Variants in ZNF160 observed in about 807,000 individuals in gnomAD.
The protein encoded by ZNF160 is zinc finger protein 160.
In ZNF160, 9 loss-of-function variants were observed where a neutral mutation model predicts 13.1. The ratio of observed to expected loss-of-function variants is 0.69; its 90% confidence interval spans 0.41 to 1.20. The LOEUF (loss-of-function observed/expected upper bound fraction) is 1.20. Ranked by LOEUF, ZNF160 falls within the 50% of genes most tolerant of loss-of-function variation. The pLI is 0.01. For synonymous variants in ZNF160, 293 were observed against 333.2 expected, an observed-to-expected ratio of 0.88 and a Z score of 1.31; for missense variants, 838 against 988.0, an observed-to-expected ratio of 0.85 and a Z score of 2.04.
intron 2 of ZNF160, 43 bp from the exon 3 acceptor site, chr19:53,086,364 TC>T: frequency 1.3e-6 from 2 of 1,503,882 alleles, no homozygotes. Flanking sequence ...ATACTGAATA[TC>T]CAAAATATGC....
intron 1 of ZNF160, among the ~76,000 whole-genome samples, chr19:53,099,965 T>TGCC (rs1367386378): frequency 6.6e-6 from 1 of 152,224 alleles, no homozygotes; most frequent in Non-Finnish European, 1.5e-5. Context: ...GGATCTTCTT[T>TGCC]CACATACCTG....
Position 53,069,723 on chromosome 19 carries a change from T to A in ZNF160, c.811A>T (p.Asn271Tyr). 6.2e-7 allele frequency: 1 copy of A among 1,614,130 alleles called. No homozygotes were observed. Among genetic ancestry groups the A allele is most frequent in the Non-Finnish European group, 8.5e-7 (1 of 1,180,026 alleles). Reference sequence around the variant, plus strand: ...TGAATTCTCCTATGACTTGTAAGGTTCGAATTCTGAGTGAACGCCTTGCCA... The same window carrying A: ...TGAATTCTCCTATGACTTGTAAGGTACGAATTCTGAGTGAACGCCTTGCCA... ...ECGKAFTQNS[N>Y]LTSHRRIHSG... The change falls in exon 6 of 6, where the codon AAC becomes TAC. Residue 271 changes from asparagine to tyrosine, a missense_variant. Asn to Tyr is a moderately radical substitution (Grantham distance 143, BLOSUM62 -2). Transcript: ENST00000683776. This position sits in a 1 kb window ranked among gnomAD's most constrained non-coding sequence, Gnocchi z 4.4.
chr19:53,078,263 A>G (rs2084484284), intron 3 of ZNF160, among the ~76,000 whole-genome samples: 1 of 151,966 alleles, frequency 6.6e-6, no homozygotes, highest in Non-Finnish European at 1.5e-5. Context: ...ACACAAAATT[A>G]GCTGGGTGTA....
chr19:53,092,319 TTTTTC>T (rs2085065097), intron 1 of ZNF160, among the ~76,000 whole-genome samples: 1 of 152,192 alleles, frequency 6.6e-6, no homozygotes, highest in African/African-American at 2.4e-5. Flanking sequence ...GGGTATTTTT[TTTTTC>T]TTTTGAGACA....
At chr19:53,102,502 A>G (rs1474079951) in intron 1 of ZNF160, among the ~76,000 whole-genome samples, 2 of 152,074 alleles carry the variant, frequency 1.3e-5, no homozygotes, top group Admixed American at 6.5e-5. Context: ...GTTGTCCTGC[A>G]TCTCGGGACA....
At position 53,070,185 on chromosome 19, in the gene ZNF160, C is replaced by T; in HGVS notation, c.349G>A (p.Val117Met). 4 of 1,613,974 alleles carry T rather than the reference C, an allele frequency of 2.5e-6. No individual in the cohort carries two copies. The highest frequency in any genetic ancestry group is 2.5e-6 in the Non-Finnish European group (3 of 1,180,002). Residue 117 changes from valine to methionine, a missense_variant, in exon 6 of 6, where the codon GTG becomes ATG. This residue lies in a region of ZNF160 where 387 missense variants were observed against 402.3 expected (regional missense o/e 0.96). Transcript: ENST00000683776. The part of the protein sequence containing the change: ...SSTEAVFHTV[V>M]LERHESPDIE... ...TCAGGGCTTTCGTGTCTTTCCAACACCACTGTGTGGAATACTGCTTCTGTA... is the reference window on the plus strand; with the variant it reads ...TCAGGGCTTTCGTGTCTTTCCAACATCACTGTGTGGAATACTGCTTCTGTA...
At chr19:53,076,860 T>C (rs1218833134) in intron 3 of ZNF160, 1 of 152,178 alleles carries the variant, frequency 6.6e-6, no homozygotes, top group East Asian at 1.9e-4. Context: ...AAACCACACT[T>C]CCATTTTCTC....
intron 5 of ZNF160, among the ~76,000 whole-genome samples, chr19:53,071,787 C>G (rs2084186544): frequency 6.6e-6 from 1 of 152,100 alleles, no homozygotes; most frequent in Admixed American, 6.6e-5. Flanking sequence ...ACGGCACATA[C>G]CAATTGGCCA....
Position 53,068,187 on chromosome 19 carries a change from G to C in ZNF160, c.2347C>G (p.His783Asp). Residue 783 changes from histidine to aspartate, a missense_variant, in exon 6 of 6, where the codon CAC (histidine) becomes GAC (aspartate). His to Asp is a moderately conservative substitution (Grantham distance 81, BLOSUM62 -1). Transcript: ENST00000683776. ...RSSLTTHMAI[H>D]TGEKRYKCNE... ...CATTTGTAACGCTTTTCTCCAGTGT[G>C]GATTGCCATATGGGTAGTTAGACTT... 1 of 1,614,136 alleles carries C rather than the reference G, an allele frequency of 6.2e-7. No homozygotes were observed. Among genetic ancestry groups the C allele is most frequent in the Non-Finnish European group, 8.5e-7 (1 of 1,180,022 alleles).
chr19:53,100,114 T>C (rs1384873296), intron 1 of ZNF160, among the ~76,000 whole-genome samples: 1 of 152,212 alleles, frequency 6.6e-6, no homozygotes, highest in African/African-American at 2.4e-5. Flanking sequence ...AGTGAAAGAC[T>C]GTCAGCTATA....
At chr19:53,073,458 GGGCAGCAGATGCCAA>G (rs751312462) in intron 5 of ZNF160, 1 of 1,598,304 alleles carries the variant, frequency 6.3e-7, no homozygotes, top group East Asian at 2.2e-5. Flanking sequence ...ATGAGGTTTG[GGGCAGCAGATGCCAA>G]GGAGCAGCAG....
At chr19:53,071,931 A>C (rs1427523622) in intron 5 of ZNF160, among the ~76,000 whole-genome samples, 1 of 152,280 alleles carries the variant, frequency 6.6e-6, no homozygotes, top group Non-Finnish European at 1.5e-5. Flanking sequence ...CATAATTAAG[A>C]AGCGGGAATT....
At chr19:53,095,000 G>C (rs959845423) in intron 1 of ZNF160, among the ~76,000 whole-genome samples, 1 of 141,620 alleles carries the variant, frequency 7.1e-6, no homozygotes, top group Non-Finnish European at 1.5e-5. Flanking sequence ...GCCCTTTCCC[G>C]TTGCCCAGAC....
chr19:53,100,612 A>T (rs2085410579), intron 1 of ZNF160, among the ~76,000 whole-genome samples: 1 of 151,842 alleles, frequency 6.6e-6, no homozygotes, highest in East Asian at 1.9e-4. Context: ...TCCGTCTCCA[A>T]AAAAAAATTA....
At chr19:53,093,508 G>C (rs1342037313) in intron 1 of ZNF160, 1 of 152,116 alleles carries the variant, frequency 6.6e-6, no homozygotes, top group Admixed American at 6.5e-5. Context: ...AGGATTACAG[G>C]GTCAAAATCG....
chr19:53,082,286 T>C (rs189148115), intron 3 of ZNF160, among the ~76,000 whole-genome samples: 11 of 152,236 alleles, frequency 7.2e-5, no homozygotes, highest in Admixed American at 2.0e-4. Flanking sequence ...ATGAATCAAA[T>C]AAAAGTACGT....
rs189306221 is a variant in ZNF160, at chr19:53,093,302, C to T, written c.-353-1582G>A. Among the ~76,000 whole-genome samples, 381 of 152,116 alleles carry T rather than the reference C, an allele frequency of 2.5e-3. 4 individuals carry two copies. Among genetic ancestry groups the T allele is most frequent in the African/African-American group, 8.4e-3 (349 of 41,510 alleles). Reference sequence around the variant, plus strand: ...TAAAAATACAAAAATTAGCCAGGCGCGGTGGCAGCGCCTGTTATCCCAGTT... The same window carrying T: ...TAAAAATACAAAAATTAGCCAGGCGTGGTGGCAGCGCCTGTTATCCCAGTT... On this transcript the variant is annotated intron_variant, in intron 1 of 5. Coordinates refer to ENST00000683776, the MANE Select transcript of ZNF160 (RefSeq NM_001322131.2).
At position 53,103,260 on chromosome 19, in the gene ZNF160, T is replaced by G. The variant is rs1392745919; in HGVS notation, c.-354+5A>C. On this transcript the variant is annotated splice_donor_5th_base_variant and intron_variant, in intron 1 of 5. Coordinates refer to ENST00000683776, the MANE Select transcript of ZNF160 (RefSeq NM_001322131.2). ...CTCCGGGCCCACACAGCAAGGCCTATTTACCTGAGGTGGAGGGTGCGGTGC... is the reference window on the plus strand; with the variant it reads ...CTCCGGGCCCACACAGCAAGGCCTAGTTACCTGAGGTGGAGGGTGCGGTGC... 2 of 152,016 alleles carry G rather than the reference T, an allele frequency of 1.3e-5. No homozygotes were observed. Among genetic ancestry groups the G allele is most frequent in the Admixed American group, 1.3e-4 (2 of 15,254 alleles). The allele number at this position is 152,016 out of a possible 1,614,324, so 9.4% of individuals were successfully genotyped here. A position where few individuals can be genotyped will look rare whatever the true frequency, so the allele number is the denominator to read the frequency against.
Position 53,069,463 on chromosome 19 carries a change from A to G in ZNF160, c.1071T>C (p.Thr357=). 6.2e-7 allele frequency: 1 copy of G among 1,613,912 alleles called. No individual in the cohort carries two copies. Reference sequence around the variant, plus strand: ...CTCCAGTATGAATTAACTGATGGGTAGTTAGGTTTGAATGTCCTCTAAAGG... The same window carrying G: ...CTCCAGTATGAATTAACTGATGGGTGGTTAGGTTTGAATGTCCTCTAAAGG... ...GKAFRGHSNL[T]THQLIHTGEK... is the part of the protein sequence containing the mutation. The change falls in exon 6 of 6, where the codon ACT becomes ACC. Residue 357 remains threonine (T), a synonymous_variant. Transcript: ENST00000683776. This position sits in a 1 kb window ranked among gnomAD's most constrained non-coding sequence, Gnocchi z 4.4.
Sources: allele counts gnomAD v4.1 joint callset (sites outside exome capture counted in the v4.1 genomes callset), GRCh38; gene constraint gnomAD v4.1.1; regional missense constraint gnomAD v4.1.1; non-coding constraint Gnocchi (gnomAD v3.1); transcripts MANE v1.5; gene names NCBI Gene and HGNC (gene_info 2026-07-23, HGNC 2026-07-21).